Variants in ZFHX3 observed in about 807,000 individuals in gnomAD.
ZFHX3 encodes zinc finger homeobox protein 3.
Under a neutral mutation model 279.1 loss-of-function variants are expected in ZFHX3, and 42 were observed. That is an observed-to-expected ratio of 0.15 (90% confidence interval 0.12 to 0.19). ZFHX3 has a LOEUF of 0.19. ZFHX3 is among the 10% of genes least tolerant of loss of function. The probability of loss-of-function intolerance (pLI) is 1.00; values close to 1 mark genes in which losing one functional copy is unlikely to be tolerated. For synonymous variants in ZFHX3, 2,293 were observed against 1,957.8 expected (o/e 1.17, Z -4.52); for missense variants, 4,981 against 4,754.0 (o/e 1.05, Z -1.40).
intron 3 of ZFHX3, among the ~76,000 whole-genome samples, chr16:73,340,562 G>A (rs1334639264): frequency 6.6e-6 from 1 of 152,184 alleles, no homozygotes; most frequent in Non-Finnish European, 1.5e-5. Flanking sequence ...ATTTTGTAGA[G>A]ACGAAGTCTC....
At chr16:73,498,389 T>C (rs1470699912) in intron 2 of ZFHX3, among the ~76,000 whole-genome samples, 1 of 152,220 alleles carries the variant, frequency 6.6e-6, no homozygotes, top group Non-Finnish European at 1.5e-5. Context: ...TGCGCATGTG[T>C]GTATATGTAA....
intron 5 of ZFHX3, among the ~76,000 whole-genome samples, chr16:73,225,794 C>T (rs1271089084): frequency 6.6e-6 from 1 of 152,056 alleles, no homozygotes. Context: ...TTACTCCCAC[C>T]TAACGTTGCA....
At position 73,064,730 on chromosome 16, in the gene ZFHX3, T is replaced by TGG. The variant is rs144383808; in HGVS notation, c.-532-5719_-532-5718insCC. On this transcript the variant is annotated intron_variant, in intron 8 of 17. Transcript: ENST00000641206. The stretch of plus-strand genomic sequence containing the variant: ...TTCATTTTGAATACATGGCGCATTG[T>TGG]GAAAATGCAGGGCAATTAGTCAGTT... Among the ~76,000 whole-genome samples, 682 of 152,316 alleles carry TGG rather than the reference T, an allele frequency of 4.5e-3. 6 individuals are homozygous for TGG. The highest frequency in any genetic ancestry group is 0.016 in the African/African-American group (645 of 41,580).
intron 5 of ZFHX3, among the ~76,000 whole-genome samples, chr16:73,248,479 T>C (rs1467007695): frequency 6.6e-6 from 1 of 151,848 alleles, no homozygotes; most frequent in Non-Finnish European, 1.5e-5. Context: ...GGGTATAATA[T>C]GTATATGTGT....
At chr16:73,104,698 T>C (rs1966274331) in intron 7 of ZFHX3, among the ~76,000 whole-genome samples, 1 of 152,168 alleles carries the variant, frequency 6.6e-6, no homozygotes. Context: ...GAAAAGAACC[T>C]CTCAGGGCCT....
chr16:73,157,758 T>C (rs1375782803), intron 5 of ZFHX3, among the ~76,000 whole-genome samples: 2 of 152,128 alleles, frequency 1.3e-5, no homozygotes, highest in Non-Finnish European at 2.9e-5. Context: ...TCCTATGGCA[T>C]TATTTAGTTA....
chr16:72,960,997 G>T (rs1267120576), intron 1 of ZFHX3, among the ~76,000 whole-genome samples: 2 of 151,846 alleles, frequency 1.3e-5, no homozygotes, highest in East Asian at 3.9e-4. Context: ...ACCCATACCA[G>T]TCAAGCTCCC....
At chr16:73,471,646 G>A (rs2018670160) in intron 2 of ZFHX3, among the ~76,000 whole-genome samples, 1 of 152,200 alleles carries the variant, frequency 6.6e-6, no homozygotes. Flanking sequence ...TGACTTGGGT[G>A]AGAGGAGTAA....
chr16:73,319,798 T>G (rs773637742), intron 3 of ZFHX3, among the ~76,000 whole-genome samples: 15 of 151,932 alleles, frequency 9.9e-5, no homozygotes, highest in Non-Finnish European at 1.9e-4. Flanking sequence ...TTCAGCAAAT[T>G]TAACAAAAGA....
At chr16:72,929,798 T>C (rs778988282) in intron 3 of ZFHX3, among the ~76,000 whole-genome samples, 2 of 152,140 alleles carry the variant, frequency 1.3e-5, no homozygotes, top group Non-Finnish European at 2.9e-5. Flanking sequence ...GCTGACATAA[T>C]CCTCATCAGC....
At chr16:73,763,881 C>G (rs926933019) in intron 1 of ZFHX3, among the ~76,000 whole-genome samples, 1 of 145,472 alleles carries the variant, frequency 6.9e-6, no homozygotes, top group Non-Finnish European at 1.5e-5. Context: ...ATTAATTCTG[C>G]GACCAAAAGG....
chr16:73,623,514 TGTA>T (rs1210120444), intron 2 of ZFHX3, among the ~76,000 whole-genome samples: 1 of 152,190 alleles, frequency 6.6e-6, no homozygotes, highest in Non-Finnish European at 1.5e-5. Context: ...GTATTGATGT[TGTA>T]GTAAAATTCC....
intron 1 of ZFHX3, among the ~76,000 whole-genome samples, chr16:73,823,147 G>A (rs758634390): frequency 8.4e-4 from 128 of 152,246 alleles, no homozygotes; most frequent in Middle Eastern, 6.8e-3. Flanking sequence ...CGTATATGAA[G>A]CTTTCAGTAT....
chr16:72,867,996 C>T (rs1423140747), intron 4 of ZFHX3, among the ~76,000 whole-genome samples: 4 of 152,140 alleles, frequency 2.6e-5, no homozygotes, highest in South Asian at 2.1e-4. Flanking sequence ...GAGCCACTGA[C>T]GAATGGGATA....
chr16:72,964,109 A>T (rs926319808), intron 1 of ZFHX3, among the ~76,000 whole-genome samples: 1 of 152,214 alleles, frequency 6.6e-6, no homozygotes, highest in Non-Finnish European at 1.5e-5. Context: ...AGGGAGAAGC[A>T]GTGAATACCG....
intron 5 of ZFHX3, among the ~76,000 whole-genome samples, chr16:73,155,485 C>A (rs113760325): frequency 8.1e-4 from 123 of 152,210 alleles, no homozygotes; most frequent in African/African-American, 2.9e-3. Flanking sequence ...AAATACAGCA[C>A]ATTTTAAACA....
chr16:73,404,183 AG>A, intron 3 of ZFHX3, among the ~76,000 whole-genome samples: 1 of 152,172 alleles, frequency 6.6e-6, no homozygotes, highest in African/African-American at 2.4e-5. Flanking sequence ...AAAGGAGGCC[AG>A]CCCCTCCCAC....
intron 4 of ZFHX3, among the ~76,000 whole-genome samples, chr16:72,832,082 A>T (rs981723636): frequency 2.6e-5 from 4 of 152,094 alleles, no homozygotes; most frequent in African/African-American, 9.7e-5. Context: ...ACTACAGAAC[A>T]CCCTGAGATG....
intron 3 of ZFHX3, among the ~76,000 whole-genome samples, chr16:73,352,474 C>CTTTTTTTTT (rs35974156): frequency 1.9e-5 from 1 of 53,274 alleles, no homozygotes; most frequent in African/African-American, 8.6e-5. Context: ...CTCTCTCTCT[C>CTTTTTTTTT]TTTTTTTTTT....
Sources: allele counts gnomAD v4.1 joint callset (sites outside exome capture counted in the v4.1 genomes callset), GRCh38; gene constraint gnomAD v4.1.1; transcripts MANE v1.5; gene names NCBI Gene and HGNC (gene_info 2026-07-23, HGNC 2026-07-21).